The following VTI1A variants were observed in gnomAD, a reference collection of about 807,000 sequenced individuals.
VTI1A encodes the protein vesicle transport through interaction with t-SNAREs homolog 1A.
In VTI1A, 22 loss-of-function variants were observed where a neutral mutation model predicts 34.9. The observed-to-expected ratio is 0.63, with a 90% CI of 0.45 to 0.90. The LOEUF is 0.90. VTI1A is among the 40% of genes least tolerant of loss of function. The pLI, the probability that VTI1A is intolerant of heterozygous loss-of-function variation, is 0.00. For synonymous variants in VTI1A, 87 were observed against 97.3 expected (o/e 0.89, Z 0.62); for missense variants, 268 against 275.6 (o/e 0.97, Z 0.20).
rs924796824 is a variant in VTI1A at position 112,571,986 on chromosome 10, G to C, written c.427+33656G>C. 6.6e-5 allele frequency among the ~76,000 whole-genome samples: 10 copies of C among 152,184 alleles called. No individual in the cohort carries two copies. The South Asian group carries it at 8.3e-4, about 13-fold the overall frequency. ...AGCAGACACTGGAGACAACTAGAAG[G>C]GGGAGAGAGGAGGGGCACAAAGGCT... On this transcript the variant is annotated intron_variant, in intron 5 of 7. Coordinates refer to ENST00000393077, the MANE Select transcript of VTI1A (RefSeq NM_145206.4).
At chr10:112,737,266 T>C in intron 7 of VTI1A, 2 of 866,894 alleles carry the variant, frequency 2.3e-6, no homozygotes, top group Non-Finnish European at 2.8e-6. Context: ...TTTTTTTTTG[T>C]AGAGATGGAG....
At chr10:112,447,896 T>TA (rs2133993690) in intron 1 of VTI1A, among the ~76,000 whole-genome samples, 1 of 152,236 alleles carries the variant, frequency 6.6e-6, no homozygotes, top group South Asian at 2.1e-4. Flanking sequence ...AAAATAGAGG[T>TA]AAGAATCAGG....
At chr10:112,568,222 T>C (rs2134353394) in intron 5 of VTI1A, among the ~76,000 whole-genome samples, 1 of 152,218 alleles carries the variant, frequency 6.6e-6, no homozygotes, top group Non-Finnish European at 1.5e-5. Context: ...ATTATGCACC[T>C]TAAAATGTGA....
chr10:112,777,301 A>G (rs1175548854), intron 7 of VTI1A, among the ~76,000 whole-genome samples: 3 of 152,270 alleles, frequency 2.0e-5, no homozygotes, highest in African/African-American at 7.2e-5. Flanking sequence ...GCCTTGTCTG[A>G]GTGGTGTCTG....
chr10:112,849,636 T>G, the VTI1A span, among the ~76,000 whole-genome samples: 1 of 152,210 alleles, frequency 6.6e-6, no homozygotes, highest in Admixed American at 6.5e-5. Context: ...GTCATTCTTG[T>G]CACTTTAAAT....
At chr10:112,448,641 A>G (rs1272854873) in intron 1 of VTI1A, among the ~76,000 whole-genome samples, 1 of 152,172 alleles carries the variant, frequency 6.6e-6, no homozygotes, top group African/African-American at 2.4e-5. Flanking sequence ...TCTGGCTGCT[A>G]GACTTGTCCC....
chr10:112,731,292 G>A (rs1226369732), intron 7 of VTI1A, among the ~76,000 whole-genome samples: 1 of 152,116 alleles, frequency 6.6e-6, no homozygotes, highest in Admixed American at 6.6e-5. Context: ...AACTCCATAA[G>A]GCCAGGCCCG....
intron 7 of VTI1A, among the ~76,000 whole-genome samples, chr10:112,772,999 T>G (rs1851857844): frequency 6.6e-6 from 1 of 152,208 alleles, no homozygotes; most frequent in Non-Finnish European, 1.5e-5. Context: ...ACTCACAAAG[T>G]GTGCCCATTG....
intron 7 of VTI1A, among the ~76,000 whole-genome samples, chr10:112,753,835 T>G (rs1173596800): frequency 6.6e-6 from 1 of 152,208 alleles, no homozygotes; most frequent in African/African-American, 2.4e-5. Flanking sequence ...TTTGTGGGGC[T>G]TATAAAAGAG....
chr10:112,452,018 A>T (rs1847259151), intron 1 of VTI1A, among the ~76,000 whole-genome samples: 1 of 152,232 alleles, frequency 6.6e-6, no homozygotes, highest in Admixed American at 6.5e-5. Flanking sequence ...AACTTTAAAA[A>T]ATACTGCTAC....
At chr10:112,458,353 G>T (rs1177217359) in intron 1 of VTI1A, among the ~76,000 whole-genome samples, 3 of 152,174 alleles carry the variant, frequency 2.0e-5, no homozygotes, top group Admixed American at 6.5e-5. Context: ...AACTGTAACT[G>T]TGTGAAGATA....
chr10:112,492,609 G>T (rs1398454190), intron 3 of VTI1A, among the ~76,000 whole-genome samples: 1 of 151,932 alleles, frequency 6.6e-6, no homozygotes, highest in Non-Finnish European at 1.5e-5. Flanking sequence ...AACATGGTGA[G>T]ACCCTGTCTC....
chr10:112,461,261 A>G (rs373616717), intron 2 of VTI1A, among the ~76,000 whole-genome samples: 26 of 152,360 alleles, frequency 1.7e-4, no homozygotes, highest in African/African-American at 6.0e-4. Context: ...GCAGCCTATA[A>G]GCAAGGCTGT....
At chr10:112,598,874 G>A (rs553071467) in intron 5 of VTI1A, among the ~76,000 whole-genome samples, 2 of 152,122 alleles carry the variant, frequency 1.3e-5, no homozygotes, top group Admixed American at 6.5e-5. Context: ...GGGCTTATCC[G>A]GTTTCCTACG....
At chr10:112,568,275 G>A (rs1242990744) in intron 5 of VTI1A, among the ~76,000 whole-genome samples, 3 of 152,152 alleles carry the variant, frequency 2.0e-5, no homozygotes, top group Non-Finnish European at 4.4e-5. Context: ...GAGAGGCCGA[G>A]GTGGGCAGAT....
intron 5 of VTI1A, among the ~76,000 whole-genome samples, chr10:112,551,207 G>A (rs1426457051): frequency 2.4e-5 from 3 of 127,004 alleles, no homozygotes; most frequent in Non-Finnish European, 4.6e-5. Flanking sequence ...TCGCGCCACT[G>A]CACTCCAGCC....
chr10:112,800,421 G>A (rs535482808), intron 7 of VTI1A, among the ~76,000 whole-genome samples: 1 of 152,378 alleles, frequency 6.6e-6, no homozygotes, highest in East Asian at 1.9e-4. Context: ...GAGGCTGCCT[G>A]CATGTGGGGG....
chr10:112,542,262 G>A (rs553512494), intron 5 of VTI1A, among the ~76,000 whole-genome samples: 8 of 152,240 alleles, frequency 5.3e-5, no homozygotes, highest in East Asian at 1.9e-4. Context: ...CTTTTAATAC[G>A]TAAACAGGTA....
intron 3 of VTI1A, among the ~76,000 whole-genome samples, chr10:112,496,522 G>T (rs142307889): frequency 0.065 from 9,867 of 151,924 alleles, 582 homozygotes; most frequent in East Asian, 0.29. Flanking sequence ...AGTGAACCGA[G>T]ATCGGGCCAC....
Sources: gnomAD v4.1 joint callset for allele counts (sites outside exome capture counted in the v4.1 genomes callset) on GRCh38, gnomAD v4.1.1 for gene constraint, MANE v1.5 for transcripts, NCBI Gene and HGNC (gene_info 2026-07-23, HGNC 2026-07-21) for gene names.